Variants in TLN2 observed in about 807,000 individuals in gnomAD.
TLN2 encodes talin-2.
Under a neutral mutation model 294.7 loss-of-function variants are expected in TLN2, and 118 were observed. That is an observed-to-expected ratio of 0.40 (90% CI 0.34 to 0.47). The LOEUF is 0.47. Among genes scored for constraint, TLN2 ranks in the 20% least tolerant of loss-of-function variants. TLN2 has a pLI of 0.84. For missense variants in TLN2, 3,083 were observed against 3,282.2 expected (o/e 0.94, Z 1.48); for synonymous variants, 1,431 against 1,304.5 (o/e 1.10, Z -2.09).
rs34488115 is a variant in TLN2, at chr15:62,486,015, T to TA, written c.-238+95340dup. 4.9e-3 allele frequency among the ~76,000 whole-genome samples: 739 copies of TA among 150,722 alleles called. 11 individuals are homozygous for TA. The highest frequency in any genetic ancestry group is 0.017 in the South Asian group (80 of 4,776). On this transcript the variant is annotated intron_variant, in intron 1 of 58. Coordinates refer to ENST00000636159, the MANE Select transcript of TLN2 (RefSeq NM_015059.3). ...TGATTTCAAACTTACAGAAAAGTTGTAAAAAAAAAATACAAAGAATTTCTA... is the reference window on the plus strand; with the variant it reads ...TGATTTCAAACTTACAGAAAAGTTGTAAAAAAAAAAATACAAAGAATTTCTA...
chr15:62,505,786 C>A (rs1038724777), intron 1 of TLN2, among the ~76,000 whole-genome samples: 1 of 152,142 alleles, frequency 6.6e-6, no homozygotes, highest in African/African-American at 2.4e-5. Context: ...TCTCCCTAAA[C>A]TTAATCTGTA....
chr15:62,399,074 A>G (rs1324117848), intron 1 of TLN2, among the ~76,000 whole-genome samples: 1 of 151,942 alleles, frequency 6.6e-6, no homozygotes, highest in Non-Finnish European at 1.5e-5. Context: ...AGCTTAGGCC[A>G]TTGCTTCGTA....
chr15:62,733,388 G>C (rs1226556660), intron 28 of TLN2, among the ~76,000 whole-genome samples: 1 of 152,164 alleles, frequency 6.6e-6, no homozygotes, highest in Non-Finnish European at 1.5e-5. Context: ...TTCTCCATGG[G>C]TCTCAGTTTC....
At chr15:62,839,056 G>GACTTCAAGATGAAAGTTTATTTCTT in intron 58 of TLN2, 75 bp downstream of exon 58, 2 of 1,544,488 alleles carry the variant, frequency 1.3e-6, no homozygotes, top group East Asian at 4.6e-5. Context: ...AAAGAATAGT[G>GACTTCAAGATGAAAGTTTATTTCTT]ACTTCAAGAT....
chr15:62,538,177 C>T (rs1373272404), intron 1 of TLN2, among the ~76,000 whole-genome samples: 7 of 152,024 alleles, frequency 4.6e-5, no homozygotes, highest in African/African-American at 7.2e-5. Flanking sequence ...GCTGAGATTG[C>T]GCCACTGCAC....
In TLN2 at chr15:62,781,224, G is replaced by C. The variant is rs141920011; in HGVS notation, c.5599G>C (p.Val1867Leu). The stretch of plus-strand genomic sequence containing the variant: ...GGTTAAATACTCCAAAGCCATTGCG[G>C]TGACAGCTCAGGAAATGGTAAGAGG... Reference protein sequence around the residue: ...TVVKYSKAIAVTAQEMMTKSV... With the variant: ...TVVKYSKAIALTAQEMMTKSV... The change falls in exon 44 of 59, where the codon GTG (valine) becomes CTG (leucine). Residue 1867 changes from valine to leucine, a missense_variant. Coordinates refer to ENST00000636159, the MANE Select transcript of TLN2 (RefSeq NM_015059.3). 1.9e-6 allele frequency: 3 copies of C among 1,613,990 alleles called. No homozygotes were observed. The highest frequency in any genetic ancestry group is 2.2e-5 in the South Asian group (2 of 91,076).
At chr15:62,744,007 G>A (rs993231444) in intron 32 of TLN2, among the ~76,000 whole-genome samples, 3 of 152,152 alleles carry the variant, frequency 2.0e-5, no homozygotes, top group African/African-American at 4.8e-5. Context: ...CAGCACAAAC[G>A]AGAAGAGTGC....
At chr15:62,631,657 T>TTCTTTCTTTTTCTTTCTTTC (rs1205483536) in intron 3 of TLN2, among the ~76,000 whole-genome samples, 9 of 143,928 alleles carry the variant, frequency 6.3e-5, no homozygotes, top group Non-Finnish European at 1.1e-4. Flanking sequence ...TTCCTTCTTT[T>TTCTTTCTTTTTCTTTCTTTC]TCTTTCTTTC....
intron 1 of TLN2, among the ~76,000 whole-genome samples, chr15:62,420,160 A>G (rs2034308667): frequency 6.6e-6 from 1 of 152,248 alleles, no homozygotes; most frequent in Admixed American, 6.5e-5. Flanking sequence ...TGTGTGGTCT[A>G]GAATTTAATG....
chr15:62,514,043 A>G (rs889875463), intron 1 of TLN2, among the ~76,000 whole-genome samples: 2 of 152,262 alleles, frequency 1.3e-5, no homozygotes, highest in African/African-American at 2.4e-5. Flanking sequence ...TAGCTTTGCT[A>G]TAACTTGAAA....
At chr15:62,738,459 C>T (rs946106142) in intron 30 of TLN2, 126 bp downstream of exon 30, 84 of 1,275,824 alleles carry the variant, frequency 6.6e-5, no homozygotes, top group South Asian at 2.1e-4. Flanking sequence ...CTGTTTTTCC[C>T]GCCAGTCTTT....
At chr15:62,479,495 G>A (rs1048500005) in intron 1 of TLN2, among the ~76,000 whole-genome samples, 1 of 150,530 alleles carries the variant, frequency 6.6e-6, no homozygotes, top group Non-Finnish European at 1.5e-5. Flanking sequence ...ATTTTTTTTT[G>A]AGACAGAGTC....
chr15:62,446,070 G>A (rs187588377), intron 1 of TLN2, among the ~76,000 whole-genome samples: 5 of 151,482 alleles, frequency 3.3e-5, no homozygotes, highest in Non-Finnish European at 4.4e-5. Flanking sequence ...GCAGTGGCTC[G>A]ATCTCCACTC....
At chr15:62,580,264 A>C (rs943711443) in intron 1 of TLN2, among the ~76,000 whole-genome samples, 4 of 152,142 alleles carry the variant, frequency 2.6e-5, no homozygotes, top group African/African-American at 7.2e-5. Context: ...CTTTATATCT[A>C]CTGTACCCAT....
rs112720748 is a variant in TLN2 at position 62,614,793 on chromosome 15, C to G, written c.-161-3558C>G. On this transcript the variant is annotated intron_variant, in intron 2 of 58. Transcript: ENST00000636159. Reference sequence around the variant, plus strand: ...TTCTGATGACTTCTCCACCATCTTTCTGTCCCAATTCACTCCTGTGCTGTG... The same window carrying G: ...TTCTGATGACTTCTCCACCATCTTTGTGTCCCAATTCACTCCTGTGCTGTG... 8.3e-3 allele frequency among the ~76,000 whole-genome samples: 1,265 copies of G among 152,308 alleles called. 21 individuals are homozygous for G. Among genetic ancestry groups the G allele is most frequent in the African/African-American group, 0.029 (1,222 of 41,564 alleles).
intron 12 of TLN2, 115 bp downstream of exon 12, chr15:62,686,911 G>C (rs369853815): frequency 4.3e-6 from 6 of 1,381,474 alleles, no homozygotes; most frequent in Non-Finnish European, 5.8e-6. Flanking sequence ...GAGAGCCAGC[G>C]TGGAGTGAGG....
chr15:62,518,009 CAT>C (rs1244520754), intron 1 of TLN2, among the ~76,000 whole-genome samples: 3 of 151,636 alleles, frequency 2.0e-5, no homozygotes, highest in Non-Finnish European at 4.4e-5. Context: ...AGACTGAGCA[CAT>C]AGTAAATGCT....
At chr15:62,490,911 T>C (rs1013100947) in intron 1 of TLN2, among the ~76,000 whole-genome samples, 1 of 152,192 alleles carries the variant, frequency 6.6e-6, no homozygotes, top group Admixed American at 6.5e-5. Context: ...AAGTTTATTT[T>C]GCCAAAGTTA....
In TLN2 at chr15:62,791,728, C is replaced by A. The variant is rs114515193; in HGVS notation, c.5737-913C>A. 8.2e-3 allele frequency among the ~76,000 whole-genome samples: 1,255 copies of A among 152,278 alleles called. 11 individuals carry two copies. The highest frequency in any genetic ancestry group is 0.026 in the African/African-American group (1,063 of 41,542). On this transcript the variant is annotated intron_variant, in intron 45 of 58. Coordinates refer to ENST00000636159, the MANE Select transcript of TLN2 (RefSeq NM_015059.3). ...GTAGATTCTTGAAAATAACACTGACCCATGCTTAAAGTTTTGGTTAGGTTT... is the reference window on the plus strand; with the variant it reads ...GTAGATTCTTGAAAATAACACTGACACATGCTTAAAGTTTTGGTTAGGTTT...
Sources: allele counts gnomAD v4.1 joint callset (sites outside exome capture counted in the v4.1 genomes callset), GRCh38; gene constraint gnomAD v4.1.1; transcripts MANE v1.5; gene names NCBI Gene and HGNC (gene_info 2026-07-23, HGNC 2026-07-21).